The following COL11A2 variants were observed in gnomAD, a reference collection of about 807,000 sequenced individuals.
The protein encoded by COL11A2 is collagen alpha-2(XI) chain.
COL11A2 carries 116 observed loss-of-function variants against 273.4 expected under a neutral mutation model. The ratio of observed to expected loss-of-function variants is 0.42; its 90% CI spans 0.36 to 0.49. The LOEUF (loss-of-function observed/expected upper bound fraction) is 0.49, where lower values mean the gene tolerates loss of function less well. Ranked by LOEUF, COL11A2 falls within the 20% of genes least tolerant of loss-of-function variation. The pLI is 0.00. For missense variants in COL11A2, 1,866 were observed against 2,309.0 expected, an observed-to-expected ratio of 0.81 and a Z score of 3.93; for synonymous variants, 782 against 864.2, an observed-to-expected ratio of 0.90 and a Z score of 1.67.
Position 33,169,403 on chromosome 6 carries a change from C to A in COL11A2, c.3778G>T (p.Asp1260Tyr), listed in dbSNP as rs1769705019. 1 of 1,612,766 alleles carries A rather than the reference C, an allele frequency of 6.2e-7. No homozygotes were observed. Among genetic ancestry groups the A allele is most frequent in the African/African-American group, 1.3e-5 (1 of 74,924 alleles). The change falls in exon 51 of 66, where the codon GAT (aspartate) becomes TAT (tyrosine). Residue 1260 changes from aspartate (D) to tyrosine (Y), a missense_variant. Transcript: ENST00000341947. The surrounding 1 kb of genome is among the most constrained non-coding windows in gnomAD (Gnocchi z 5.5). ...CTCACAGGGTTCCCTTTGGGGCCAT[C>A]ATCGCCTGTGGGGCCTTTAGGCCCT... Reference protein sequence around the residue: ...PPGPKGPTGDDGPKGNPGPVG... With the variant: ...PPGPKGPTGDYGPKGNPGPVG...
chr6:33,170,715 C>T lies in COL11A2; in HGVS notation c.3474+95G>A. ...CCTCCCCTCAGACTCCGCAGGCCCTCCAGTCTGCATCGGCAGGCTGCTGGC... is the reference window on the plus strand; with the variant it reads ...CCTCCCCTCAGACTCCGCAGGCCCTTCAGTCTGCATCGGCAGGCTGCTGGC... On this transcript the variant is annotated intron_variant, in intron 46 of 65. Transcript: ENST00000341947. The surrounding 1 kb of genome is among the most constrained non-coding windows in gnomAD (Gnocchi z 4.3). The T allele has an allele frequency of 6.3e-7, 1 of 1,583,948 alleles. No homozygotes were observed. Among genetic ancestry groups the T allele is most frequent in the Non-Finnish European group, 8.7e-7 (1 of 1,153,598 alleles).
chr6:33,186,504 T>G, intron 5 of COL11A2, 123 bp downstream of exon 5: 2 of 1,563,660 alleles, frequency 1.3e-6, no homozygotes, highest in Admixed American at 2.0e-5. Context: ...GAATGAGGAC[T>G]AGGAGGAGGG....
chr6:33,181,595 C>A (rs1018628468), intron 8 of COL11A2, among the ~76,000 whole-genome samples: 1 of 152,172 alleles, frequency 6.6e-6, no homozygotes, highest in Admixed American at 6.5e-5. Context: ...CTGCCTCAGC[C>A]TCCCAAGTAG....
chr6:33,174,670 G>T, intron 30 of COL11A2, 90 bp from the exon 31 acceptor site: 2 of 1,262,012 alleles, frequency 1.6e-6, no homozygotes, highest in Non-Finnish European at 2.3e-6. Flanking sequence ...ATAACAGCCA[G>T]CCCCCACCCA....
Position 33,180,321 on chromosome 6 carries a change from G to T in COL11A2, c.1296C>A (p.Gly432=), listed in dbSNP as rs1047502081. 6.2e-7 allele frequency: 1 copy of T among 1,612,614 alleles called. No homozygotes were observed. The highest frequency in any genetic ancestry group is 1.3e-5 in the African/African-American group (1 of 74,946). Residue 432 remains glycine (G), a synonymous_variant, in exon 12 of 66, where the codon GGC becomes GGA. Transcript: ENST00000341947. ...CATCTGATCCAGGGAGCCCTGCTCGGCCAGGGGGGCCCTGGAGTGGGAAGA... is the reference window on the plus strand; with the variant it reads ...CATCTGATCCAGGGAGCCCTGCTCGTCCAGGGGGGCCCTGGAGTGGGAAGA... ...VGDPGERGPP[G]RAGLPGSDGA...
intron 52 of COL11A2, 42 bp from the exon 53 acceptor site, chr6:33,168,801 G>A (rs777069852): frequency 1.3e-6 from 2 of 1,598,692 alleles, no homozygotes; most frequent in Non-Finnish European, 1.7e-6. Flanking sequence ...CCCCAACCTG[G>A]CTGGCATCAC....
In COL11A2 at chr6:33,164,614, G is replaced by T. The variant is rs1562302992; in HGVS notation, c.4864-141C>A. 8.5e-6 allele frequency: 7 copies of T among 824,802 alleles called. No homozygotes were observed. Among genetic ancestry groups the T allele is most frequent in the South Asian group, 3.7e-5 (2 of 54,178 alleles). 51.1% of individuals were successfully genotyped at this position (824,802 alleles called of 1,614,324 possible). On this transcript the variant is annotated intron_variant, in intron 64 of 65. Coordinates refer to ENST00000341947, the MANE Select transcript of COL11A2 (RefSeq NM_080680.3). The surrounding 1 kb of genome is among the most constrained non-coding windows in gnomAD (Gnocchi z 4.7). ...GAGCAGGGAATGGCTGGAAGGCAAGGGCTGGGAAAGAAGTGAGGGGCTGAG... is the reference window on the plus strand; with the variant it reads ...GAGCAGGGAATGGCTGGAAGGCAAGTGCTGGGAAAGAAGTGAGGGGCTGAG...
chr6:33,177,806 C>T lies in COL11A2; in HGVS notation c.1873-100G>A. 2.3e-6 allele frequency: 3 copies of T among 1,306,930 alleles called. No homozygotes were observed. The highest frequency in any genetic ancestry group is 3.3e-6 in the Non-Finnish European group (3 of 915,290). The allele number at this position is 1,306,930 out of a possible 1,614,324, so 81.0% of individuals were successfully genotyped here. A position where few individuals can be genotyped will look rare whatever the true frequency, so the allele number is the denominator to read the frequency against. On this transcript the variant is annotated intron_variant, in intron 21 of 65. Coordinates refer to ENST00000341947, the MANE Select transcript of COL11A2 (RefSeq NM_080680.3). The surrounding 1 kb of genome is among the most constrained non-coding windows in gnomAD (Gnocchi z 5.9). ...CCCGAGGGTGTGACGGTCAGACCTC[C>T]AATCCATCCCAAACCCAAGCAAACA...
Position 33,167,966 on chromosome 6 carries a change from C to G in COL11A2, c.3961-114G>C, listed in dbSNP as rs1347894500. The G allele has an allele frequency of 5.3e-6, 6 of 1,123,784 alleles. No homozygotes were observed. The highest frequency in any genetic ancestry group is 6.6e-6 in the Non-Finnish European group (5 of 755,320). 69.6% of individuals were successfully genotyped at this position (1,123,784 alleles called of 1,614,324 possible). A position where few individuals can be genotyped will look rare whatever the true frequency, so the allele number is the denominator to read the frequency against. ...ACATGCACACACACACGTGCATACA[C>G]AGGGACACGCGCCGAGGGCCGATTC... On this transcript the variant is annotated intron_variant, in intron 54 of 65. Coordinates refer to ENST00000341947, the MANE Select transcript of COL11A2 (RefSeq NM_080680.3). This position sits in a 1 kb window ranked among gnomAD's most constrained non-coding sequence, Gnocchi z 6.1.
chr6:33,176,595 C>T lies in COL11A2; in HGVS notation c.2116-109G>A, dbSNP rs1770941241. ...CAACATTGCTGTCTGGGTAGGGTTACGGGGCACAGGAATTGAGAATGTGGC... is the reference window on the plus strand; with the variant it reads ...CAACATTGCTGTCTGGGTAGGGTTATGGGGCACAGGAATTGAGAATGTGGC... On this transcript the variant is annotated intron_variant, in intron 26 of 65. Transcript: ENST00000341947. This position sits in a 1 kb window ranked among gnomAD's most constrained non-coding sequence, Gnocchi z 4.9. 3.5e-6 allele frequency: 5 copies of T among 1,414,240 alleles called. No homozygotes were observed. Among genetic ancestry groups the T allele is most frequent in the Non-Finnish European group, 5.0e-6 (5 of 1,007,280 alleles). 87.6% of individuals were successfully genotyped at this position (1,414,240 alleles called of 1,614,324 possible). A position where few individuals can be genotyped will look rare whatever the true frequency, so the allele number is the denominator to read the frequency against.
Position 33,186,750 on chromosome 6 carries a change from C to T in COL11A2, c.675G>A (p.Glu225=). 1 of 1,614,166 alleles carries T rather than the reference C, an allele frequency of 6.2e-7. No homozygotes were observed. Among genetic ancestry groups the T allele is most frequent in the African/African-American group, 1.3e-5 (1 of 75,010 alleles). The part of the protein sequence containing the change: ...QAAYESCEQK[E]LECEGGQRER... ...CCCTCTGGCCCCCCTCGCATTCCAGCTCCTTCTGTTCACATGATTCATAGG... is the reference window on the plus strand; with the variant it reads ...CCCTCTGGCCCCCCTCGCATTCCAGTTCCTTCTGTTCACATGATTCATAGG... Residue 225 remains glutamate (E), a synonymous_variant, in exon 5 of 66, where the codon GAG becomes GAA. Transcript: ENST00000341947.
At position 33,169,031 on chromosome 6, in the gene COL11A2, G is replaced by A. The variant is rs761703682; in HGVS notation, c.3799-23C>T. ...ACCCTGATCCAGATGGAGAATAAGA[G>A]TCAGGGTCACAGCTCCCTAAGCCCA... is the stretch of plus-strand genomic sequence containing the variant. On this transcript the variant is annotated intron_variant, in intron 51 of 65. Coordinates refer to ENST00000341947, the MANE Select transcript of COL11A2 (RefSeq NM_080680.3). The surrounding 1 kb of genome is among the most constrained non-coding windows in gnomAD (Gnocchi z 5.5). 2.5e-6 allele frequency: 4 copies of A among 1,598,940 alleles called. No homozygotes were observed. The highest frequency in any genetic ancestry group is 3.4e-6 in the Non-Finnish European group (4 of 1,172,896).
At position 33,166,522 on chromosome 6, in the gene COL11A2, G is replaced by A. The variant is rs148262058; in HGVS notation, c.4383C>T (p.Pro1461=). 9.3e-4 allele frequency: 1,501 copies of A among 1,612,404 alleles called. 3 individuals carry two copies. Among genetic ancestry groups the A allele is most frequent in the Non-Finnish European group, 5.9e-4 (692 of 1,179,008 alleles). Residue 1461 remains proline, a synonymous_variant, in exon 60 of 66, where the codon CCC becomes CCT. Transcript: ENST00000341947. This position sits in a 1 kb window ranked among gnomAD's most constrained non-coding sequence, Gnocchi z 4.8. The part of the protein sequence containing the change: ...ASGPIGPGGP[P]GLPGPAGPKG... ...CAGAGGCAGTACTCACGGGGAGGCCGGGGGGACCTCCAGGACCAATGGGGC... is the reference window on the plus strand; with the variant it reads ...CAGAGGCAGTACTCACGGGGAGGCCAGGGGGACCTCCAGGACCAATGGGGC...
rs1260183982 is a variant in COL11A2 at position 33,164,690 on chromosome 6, A to G, written c.4863+162T>C. Reference sequence around the variant, plus strand: ...CGAAAGGCAAAGTGAGCATCAGAGGACCGGTGAAAAGGAAAAGAAGAAAGA... The same window carrying G: ...CGAAAGGCAAAGTGAGCATCAGAGGGCCGGTGAAAAGGAAAAGAAGAAAGA... On this transcript the variant is annotated intron_variant, in intron 64 of 65. Coordinates refer to ENST00000341947, the MANE Select transcript of COL11A2 (RefSeq NM_080680.3). This position sits in a 1 kb window ranked among gnomAD's most constrained non-coding sequence, Gnocchi z 4.7. Among the ~76,000 whole-genome samples the G allele has an allele frequency of 6.6e-6, 1 of 151,904 alleles. No individual in the cohort carries two copies. The highest frequency in any genetic ancestry group is 6.6e-5 in the Admixed American group (1 of 15,252).
chr6:33,171,586 G>A lies in COL11A2; in HGVS notation c.3151-12C>T. The A allele has an allele frequency of 6.2e-7, 1 of 1,612,666 alleles. No homozygotes were observed. The highest frequency in any genetic ancestry group is 8.5e-7 in the Non-Finnish European group (1 of 1,179,016). ...GGGCCCTTCTCACCCTGTGGGACAG[G>A]AGGAAGGAGTCATGGCCTGGAGGTG... On this transcript the variant is annotated splice_polypyrimidine_tract_variant and intron_variant, in intron 42 of 65. Transcript: ENST00000341947.
chr6:33,178,397 C>T lies in COL11A2; in HGVS notation c.1773+38G>A. ...TAAAGCTGCTGTGCCTTCTAGACCT[C>T]CCCTGCACCCAGCCCCTACATTTGC... On this transcript the variant is annotated intron_variant, in intron 19 of 65. Coordinates refer to ENST00000341947, the MANE Select transcript of COL11A2 (RefSeq NM_080680.3). This position sits in a 1 kb window ranked among gnomAD's most constrained non-coding sequence, Gnocchi z 4.6. 1 of 1,612,936 alleles carries T rather than the reference C, an allele frequency of 6.2e-7. No individual in the cohort carries two copies. The highest frequency in any genetic ancestry group is 2.2e-5 in the East Asian group (1 of 44,868).
upstream of COL11A2, among the ~76,000 whole-genome samples, chr6:33,192,927 G>A (rs1326684190): frequency 1.3e-5 from 2 of 152,080 alleles, no homozygotes; most frequent in Non-Finnish European, 2.9e-5. Context: ...CCGGGGCGGG[G>A]GTATTTATAG....
chr6:33,189,552 C>T lies in COL11A2; in HGVS notation c.83-83G>A. On this transcript the variant is annotated intron_variant, in intron 1 of 65. Transcript: ENST00000341947. This position sits in a 1 kb window ranked among gnomAD's most constrained non-coding sequence, Gnocchi z 5.6. ...GGGACATTTGGGATCTAGAACTCAG[C>T]TTTCCAGGGCTCAAACTCCCTGCAA... 1.3e-6 allele frequency: 2 copies of T among 1,560,514 alleles called. No individual in the cohort carries two copies. The highest frequency in any genetic ancestry group is 1.8e-6 in the Non-Finnish European group (2 of 1,142,290).
chr6:33,180,786 C>T (rs1771629832), intron 10 of COL11A2, 56 bp from the exon 11 acceptor site: 11 of 1,590,148 alleles, frequency 6.9e-6, no homozygotes, highest in Non-Finnish European at 8.6e-6. Context: ...TGTGGACACT[C>T]AGCCTGTGGC....
Sources: gnomAD v4.1 joint callset for allele counts (sites outside exome capture counted in the v4.1 genomes callset) on GRCh38, gnomAD v4.1.1 for gene constraint, Gnocchi (gnomAD v3.1) non-coding constraint, MANE v1.5 for transcripts, NCBI Gene and HGNC (gene_info 2026-07-23, HGNC 2026-07-21) for gene names.